The following JARID2 variants were observed in gnomAD, a reference collection of about 807,000 sequenced individuals.
The protein encoded by JARID2 is jumonji and AT-rich interaction domain containing 2, also known as protein Jumonji.
In JARID2, 21 loss-of-function variants were observed where a neutral mutation model predicts 125.6. The ratio of observed to expected loss-of-function variants is 0.17; its 90% CI spans 0.12 to 0.24. JARID2 has a LOEUF of 0.24. Ranked by LOEUF, JARID2 falls within the 10% of genes least tolerant of loss-of-function variation. The pLI is 1.00. For missense variants in JARID2, 1,303 were observed against 1,639.6 expected (o/e 0.79, Z 3.55); for synonymous variants, 736 against 661.6 (o/e 1.11, Z -1.73).
chr6:15,400,961 C>T (rs1373653240), intron 2 of JARID2: 3 of 1,289,384 alleles, frequency 2.3e-6, no homozygotes, highest in South Asian at 1.2e-5. Flanking sequence ...ATGGCTGCTC[C>T]ACGGGTCTGT....
chr6:15,329,589 TTTATCTTTAATAAG>T (rs1426747134), intron 1 of JARID2, among the ~76,000 whole-genome samples: 1 of 152,176 alleles, frequency 6.6e-6, no homozygotes, highest in Admixed American at 6.5e-5. Flanking sequence ...GAATGCAGCT[TTTATCTTTAATAAG>T]CGGGTTAAAC....
intron 3 of JARID2, among the ~76,000 whole-genome samples, chr6:15,415,825 C>T (rs1446093514): frequency 7.4e-6 from 1 of 135,090 alleles, no homozygotes; most frequent in Non-Finnish European, 1.6e-5. Context: ...GGGGGGCTGA[C>T]CCCCCCACCT....
At chr6:15,307,601 T>C (rs1378710775) in intron 1 of JARID2, among the ~76,000 whole-genome samples, 1 of 152,142 alleles carries the variant, frequency 6.6e-6, no homozygotes, top group East Asian at 1.9e-4. Context: ...TTGTGGTTCT[T>C]CTCCCCCACC....
At chr6:15,502,532 C>T (rs1349360636) in intron 8 of JARID2, among the ~76,000 whole-genome samples, 1 of 152,210 alleles carries the variant, frequency 6.6e-6, no homozygotes, top group Non-Finnish European at 1.5e-5. Context: ...CAGGTGCCCA[C>T]GGCTGCCTGA....
At chr6:15,464,759 C>T (rs1280827629) in intron 4 of JARID2, among the ~76,000 whole-genome samples, 2 of 152,196 alleles carry the variant, frequency 1.3e-5, no homozygotes, top group Non-Finnish European at 2.9e-5. Flanking sequence ...ATCTGATTTA[C>T]GAATCCTTCA....
intron 1 of JARID2, among the ~76,000 whole-genome samples, chr6:15,344,427 TGA>T (rs1763178117): frequency 6.6e-6 from 1 of 152,032 alleles, no homozygotes; most frequent in African/African-American, 2.4e-5. Flanking sequence ...AAAACGTGAC[TGA>T]GAGTCCTACT....
chr6:15,292,729 A>C (rs1247760025), intron 1 of JARID2, among the ~76,000 whole-genome samples: 1 of 152,206 alleles, frequency 6.6e-6, no homozygotes, highest in Non-Finnish European at 1.5e-5. Context: ...ATGCAGTAGC[A>C]CAATCTTGGC....
At chr6:15,441,872 A>G (rs1008229156) in intron 3 of JARID2, among the ~76,000 whole-genome samples, 2 of 150,964 alleles carry the variant, frequency 1.3e-5, no homozygotes, top group Non-Finnish European at 3.0e-5. Context: ...GCTCACTGCA[A>G]CCTCCACCTC....
chr6:15,299,708 T>C (rs984565871), intron 1 of JARID2, among the ~76,000 whole-genome samples: 2 of 152,146 alleles, frequency 1.3e-5, no homozygotes, highest in Non-Finnish European at 2.9e-5. Context: ...TGGTTCTCAG[T>C]GGCAGTTCGC....
intron 3 of JARID2, among the ~76,000 whole-genome samples, chr6:15,450,542 G>T (rs1214937469): frequency 6.6e-6 from 1 of 152,178 alleles, no homozygotes; most frequent in South Asian, 2.1e-4. Flanking sequence ...TTGGGATTCT[G>T]ATGAGGTCTA....
intron 2 of JARID2, among the ~76,000 whole-genome samples, chr6:15,379,069 A>G (rs1377536230): frequency 2.0e-5 from 3 of 152,132 alleles, no homozygotes; most frequent in Non-Finnish European, 4.4e-5. Context: ...GTAATAACCT[A>G]AGCAGACATA....
chr6:15,445,861 A>G (rs1229723612), intron 3 of JARID2, among the ~76,000 whole-genome samples: 1 of 152,200 alleles, frequency 6.6e-6, no homozygotes, highest in Non-Finnish European at 1.5e-5. Flanking sequence ...GCTGGTGCCT[A>G]GTTGGTATTT....
chr6:15,301,089 A>G (rs1268090351), intron 1 of JARID2, among the ~76,000 whole-genome samples: 1 of 152,176 alleles, frequency 6.6e-6, no homozygotes, highest in Non-Finnish European at 1.5e-5. Context: ...CGTATAAGTA[A>G]CTGGGTTGTC....
At chr6:15,300,898 G>T (rs1351145905) in intron 1 of JARID2, among the ~76,000 whole-genome samples, 2 of 152,090 alleles carry the variant, frequency 1.3e-5, no homozygotes, top group African/African-American at 4.8e-5. Context: ...GGACGGAAGG[G>T]TGACAGAAAA....
intron 5 of JARID2, among the ~76,000 whole-genome samples, chr6:15,484,845 T>C (rs1179521851): frequency 2.6e-5 from 4 of 151,754 alleles, no homozygotes; most frequent in Non-Finnish European, 4.4e-5. Flanking sequence ...TTTGGAGGAG[T>C]ATTGGAGATT....
chr6:15,433,973 A>T (rs1420479829), intron 3 of JARID2, among the ~76,000 whole-genome samples: 1 of 96,274 alleles, frequency 1.0e-5, no homozygotes, highest in Admixed American at 1.2e-4. Flanking sequence ...TGTGTGTGTC[A>T]GGAGTAGAAT....
intron 17 of JARID2, among the ~76,000 whole-genome samples, chr6:15,519,191 GT>G (rs1771709003): frequency 1.3e-5 from 2 of 152,234 alleles, no homozygotes; most frequent in Admixed American, 1.3e-4. Flanking sequence ...TGTCCTTATG[GT>G]AAGGTAGCAG....
chr6:15,282,894 C>A (rs1228948503), intron 1 of JARID2, among the ~76,000 whole-genome samples: 1 of 152,134 alleles, frequency 6.6e-6, no homozygotes, highest in Non-Finnish European at 1.5e-5. Flanking sequence ...AGCCACCCCG[C>A]CCGGTCTGAT....
intron 3 of JARID2, among the ~76,000 whole-genome samples, chr6:15,441,839 T>G (rs1767458947): frequency 6.6e-6 from 1 of 152,150 alleles, no homozygotes; most frequent in South Asian, 2.1e-4. Flanking sequence ...TTGCCCAGCC[T>G]GGAGTGCAAT....
Sources: gnomAD v4.1 joint callset for allele counts (sites outside exome capture counted in the v4.1 genomes callset) on GRCh38, gnomAD v4.1.1 for gene constraint, MANE v1.5 for transcripts, NCBI Gene and HGNC (gene_info 2026-07-23, HGNC 2026-07-21) for gene names.